NEXMIF: variants seen among roughly 807,000 people sequenced by gnomAD.
NEXMIF encodes neurite extension and migration factor.
In NEXMIF, 8 loss-of-function variants were observed where a neutral mutation model predicts 62.1. The observed-to-expected ratio is 0.13, with a 90% CI of 0.08 to 0.23. The LOEUF (loss-of-function observed/expected upper bound fraction) is 0.23, where lower values mean the gene tolerates loss of function less well. Among genes scored for constraint, NEXMIF ranks in the 10% least tolerant of loss-of-function variants. NEXMIF has a pLI of 1.00. For missense variants in NEXMIF, 976 were observed against 1,113.3 expected, an observed-to-expected ratio of 0.88 and a Z score of 1.75; for synonymous variants, 404 against 416.6, an observed-to-expected ratio of 0.97 and a Z score of 0.37.
At chrX:74,900,462 C>CAAAAAAA (rs758887978) in intron 1 of NEXMIF, among the ~76,000 whole-genome samples, 1 of 33,301 alleles carries the variant, frequency 3.0e-5, no homozygotes, top group Admixed American at 3.6e-4. Flanking sequence ...GACTCCGTCT[C>CAAAAAAA]AAAAAAAAAA....
intron 1 of NEXMIF, among the ~76,000 whole-genome samples, chrX:74,920,592 T>C (rs1437086465): frequency 1.8e-5 from 2 of 111,845 alleles, no homozygotes; most frequent in South Asian, 3.7e-4. Flanking sequence ...TTCACTCTGA[T>C]GGTAGTTTCT....
rs1569336172 is a variant in NEXMIF at position 74,744,920 on chromosome X, T to TCTCC, written c.80-444_80-443insGGAG. On this transcript the variant is annotated intron_variant, in intron 2 of 3. Transcript: ENST00000055682. ...TTTTCTCTCTCTCTCTCTCTCTCTCTTCTCTCTCTCCTCTCTCTCTCTCTC... is the reference window on the plus strand; with the variant it reads ...TTTTCTCTCTCTCTCTCTCTCTCTCTCTCCTCTCTCTCTCCTCTCTCTCTCTCTC... 1.1e-4 allele frequency among the ~76,000 whole-genome samples: 5 copies of TCTCC among 44,630 alleles called. No individual in the cohort carries two copies. In the East Asian group the frequency reaches 6.7e-3, roughly 60 times the overall value. The allele number at this position is 44,630 out of a possible 115,157, so 38.8% of individuals were successfully genotyped here. A position where few individuals can be genotyped will look rare whatever the true frequency, so the allele number is the denominator to read the frequency against.
chrX:74,827,343 C>A (rs780160114), intron 1 of NEXMIF, among the ~76,000 whole-genome samples: 1 of 111,887 alleles, frequency 8.9e-6, no homozygotes, highest in Non-Finnish European at 1.9e-5. Flanking sequence ...TGATTTCCAC[C>A]TCACTACCAC....
intron 1 of NEXMIF, among the ~76,000 whole-genome samples, chrX:74,862,368 T>G (rs1475088756): frequency 1.8e-5 from 2 of 110,215 alleles, no homozygotes; most frequent in Non-Finnish European, 3.8e-5. Flanking sequence ...CAAAGAGACT[T>G]ACACTCCCAC....
At chrX:74,809,666 C>A (rs2080354893) in intron 1 of NEXMIF, among the ~76,000 whole-genome samples, 1 of 111,476 alleles carries the variant, frequency 9.0e-6, no homozygotes, top group Non-Finnish European at 1.9e-5. Context: ...ATATGACATG[C>A]TAGAGGTTGA....
chrX:74,901,313 G>A (rs56864449), intron 1 of NEXMIF, among the ~76,000 whole-genome samples: 1 of 112,156 alleles, frequency 8.9e-6, no homozygotes, highest in Non-Finnish European at 1.9e-5. Context: ...AGATGGTTTA[G>A]ATGATCTCCT....
rs868602369 is a variant in NEXMIF at position 74,887,492 on chromosome X, T to G, written c.-48+37391A>C. ...CCATCAAAAAGTGGGCGAAGGATAT[T>G]AACAGACACTTCTCAAAAGAAGACA... On this transcript the variant is annotated intron_variant, in intron 1 of 3. Coordinates refer to ENST00000055682, the MANE Select transcript of NEXMIF (RefSeq NM_001008537.3). Among the ~76,000 whole-genome samples, 63 of 111,495 alleles carry G rather than the reference T, an allele frequency of 5.7e-4. No homozygotes were observed. The East Asian group carries it at 0.016, about 28-fold the overall frequency.
intron 1 of NEXMIF, among the ~76,000 whole-genome samples, chrX:74,790,586 T>G (rs770568196): frequency 0.01 from 1,121 of 111,043 alleles, 4 homozygotes; most frequent in African/African-American, 0.037. Context: ...ATTTTCACAA[T>G]ACTGATTCTT....
chrX:74,857,919 C>T (rs1159020236), intron 1 of NEXMIF, among the ~76,000 whole-genome samples: 1 of 112,053 alleles, frequency 8.9e-6, no homozygotes, highest in Non-Finnish European at 1.9e-5. Flanking sequence ...GAGTGAGTCT[C>T]TTCTGCCTGT....
chrX:74,882,540 C>T (rs1438286054), intron 1 of NEXMIF, among the ~76,000 whole-genome samples: 2 of 111,872 alleles, frequency 1.8e-5, no homozygotes, highest in East Asian at 2.8e-4. Flanking sequence ...CACGGAGCCT[C>T]ACTCATTGCT....
chrX:74,752,291 C>T (rs1569337484), intron 1 of NEXMIF, among the ~76,000 whole-genome samples: 1 of 111,104 alleles, frequency 9.0e-6, no homozygotes, highest in Non-Finnish European at 1.9e-5. Flanking sequence ...CCAATCCTGT[C>T]AGGGGTAGCA....
chrX:74,908,842 GT>G (rs1484676811), intron 1 of NEXMIF, among the ~76,000 whole-genome samples: 1 of 111,848 alleles, frequency 8.9e-6, no homozygotes, highest in Non-Finnish European at 1.9e-5. Flanking sequence ...CATGGGGGCA[GT>G]TTCCCCCATA....
At chrX:74,853,141 G>A (rs898319702) in intron 1 of NEXMIF, among the ~76,000 whole-genome samples, 1 of 110,307 alleles carries the variant, frequency 9.1e-6, no homozygotes, top group African/African-American at 3.3e-5. Flanking sequence ...GTGGATTTAG[G>A]AGCGGAAAGT....
chrX:74,745,823 A>G (rs1405501819), intron 1 of NEXMIF, 126 bp from the exon 2 acceptor site: 14 of 419,136 alleles, frequency 3.3e-5, no homozygotes, highest in Non-Finnish European at 5.8e-5. Context: ...TGACTTCATC[A>G]CTGCTATTGT....
intron 1 of NEXMIF, among the ~76,000 whole-genome samples, chrX:74,865,392 A>C (rs1180210782): frequency 8.9e-6 from 1 of 111,811 alleles, no homozygotes; most frequent in African/African-American, 3.3e-5. Flanking sequence ...AACTTGAGAG[A>C]GATAACTTAG....
intron 1 of NEXMIF, among the ~76,000 whole-genome samples, chrX:74,820,748 A>C (rs1295557821): frequency 1.8e-5 from 2 of 111,979 alleles, no homozygotes; most frequent in Non-Finnish European, 3.8e-5. Flanking sequence ...TTAATGCAGG[A>C]ACATTTCTGT....
intron 1 of NEXMIF, among the ~76,000 whole-genome samples, chrX:74,751,250 CA>C (rs1377031675): frequency 9.1e-6 from 1 of 110,422 alleles, no homozygotes; most frequent in Non-Finnish European, 1.9e-5. Context: ...TTCCAAAATT[CA>C]AAAGATATGC....
chrX:74,789,310 T>A (rs765437324), intron 1 of NEXMIF, among the ~76,000 whole-genome samples: 12 of 106,445 alleles, frequency 1.1e-4, no homozygotes, highest in Admixed American at 5.1e-4. Flanking sequence ...GAACTCATCA[T>A]TTTTTATGGC....
At chrX:74,885,644 G>A (rs1048391119) in intron 1 of NEXMIF, among the ~76,000 whole-genome samples, 2 of 111,611 alleles carry the variant, frequency 1.8e-5, no homozygotes, top group African/African-American at 6.5e-5. Flanking sequence ...CTGAAATTGT[G>A]GCAATAATTA....
Sources: allele counts gnomAD v4.1 joint callset (sites outside exome capture counted in the v4.1 genomes callset), GRCh38; gene constraint gnomAD v4.1.1; transcripts MANE v1.5; gene names NCBI Gene and HGNC (gene_info 2026-07-23, HGNC 2026-07-21).